The following CFAP47 variants were observed in gnomAD, a reference collection of about 807,000 sequenced individuals.
CFAP47 encodes cilia- and flagella-associated protein 47.
CFAP47 carries 29 observed loss-of-function variants against 148.1 expected under a neutral mutation model. The ratio of observed to expected loss-of-function variants is 0.20; its 90% CI spans 0.15 to 0.27. The LOEUF (loss-of-function observed/expected upper bound fraction) is 0.27. Among genes scored for constraint, CFAP47 ranks in the 10% least tolerant of loss-of-function variants. The pLI, the probability that CFAP47 is intolerant of heterozygous loss-of-function variation, is 1.00. For synonymous variants in CFAP47, 664 were observed against 577.3 expected (o/e 1.15, Z -2.15); for missense variants, 1,872 against 1,697.5 (o/e 1.10, Z -1.81).
chrX:36,345,089 C>A (rs1207747318), intron 57 of CFAP47, among the ~76,000 whole-genome samples: 1 of 111,778 alleles, frequency 8.9e-6, no homozygotes, highest in Non-Finnish European at 1.9e-5. Context: ...TTTACAAGTT[C>A]TTGCAAATAT....
In CFAP47 at chrX:36,353,746, G is replaced by A. The variant is rs113539073; in HGVS notation, c.8851+65G>A. 1.4e-3 allele frequency: 1,224 copies of A among 869,273 alleles called. 14 individuals are homozygous for A. The African/African-American group carries it at 0.022, about 15-fold the overall frequency. 71.6% of individuals were successfully genotyped at this position (869,273 alleles called of 1,213,427 possible). On this transcript the variant is annotated intron_variant, in intron 60 of 63. Transcript: ENST00000378653. Reference sequence around the variant, plus strand: ...AGAAACTTAGTTTCCATGAATTGCAGGTTGCTGATTGTGCAGTTACATTAA... The same window carrying A: ...AGAAACTTAGTTTCCATGAATTGCAAGTTGCTGATTGTGCAGTTACATTAA...
chrX:36,198,668 T>C (rs1289525654), intron 42 of CFAP47, among the ~76,000 whole-genome samples: 2 of 111,963 alleles, frequency 1.8e-5, no homozygotes, highest in African/African-American at 3.2e-5. Flanking sequence ...TATTTCATGT[T>C]GATACCTTCC....
At chrX:35,980,277 G>GA (rs1396743991) in intron 15 of CFAP47, among the ~76,000 whole-genome samples, 1 of 111,757 alleles carries the variant, frequency 8.9e-6, no homozygotes, top group Non-Finnish European at 1.9e-5. Flanking sequence ...TATTCCTGAA[G>GA]AAAAAATATA....
chrX:36,106,451 A>G (rs1938467675), intron 33 of CFAP47, among the ~76,000 whole-genome samples: 1 of 111,811 alleles, frequency 8.9e-6, no homozygotes, highest in South Asian at 3.7e-4. Flanking sequence ...TTTATCTTTC[A>G]CAGATCTAAA....
intron 15 of CFAP47, among the ~76,000 whole-genome samples, chrX:35,981,337 CAAAT>C (rs1189391221): frequency 1.9e-5 from 2 of 104,522 alleles, no homozygotes; most frequent in Admixed American, 1.1e-4. Context: ...AAACAAGTAT[CAAAT>C]AAAAAGGCAA....
chrX:36,197,063 A>G (rs2146879858), intron 42 of CFAP47, among the ~76,000 whole-genome samples: 1 of 112,026 alleles, frequency 8.9e-6, no homozygotes, highest in South Asian at 3.6e-4. Context: ...CACAGGCAAG[A>G]TAAGCATTAT....
chrX:36,330,798 G>A (rs1284941844), intron 57 of CFAP47, among the ~76,000 whole-genome samples: 1 of 111,549 alleles, frequency 9.0e-6, no homozygotes, highest in African/African-American at 3.3e-5. Context: ...TAAATTGTCT[G>A]TGCCACCATC....
chrX:36,320,644 A>T (rs992822048), intron 57 of CFAP47, among the ~76,000 whole-genome samples: 1 of 112,450 alleles, frequency 8.9e-6, no homozygotes. Context: ...CAAAAGATAA[A>T]GTACAAATGG....
chrX:36,345,207 A>T (rs1941687136), intron 57 of CFAP47, among the ~76,000 whole-genome samples: 1 of 111,698 alleles, frequency 9.0e-6, no homozygotes, highest in Admixed American at 9.5e-5. Flanking sequence ...ATTCATGAAA[A>T]TATAGAATTC....
At chrX:36,090,800 A>T (rs895711209) in intron 30 of CFAP47, among the ~76,000 whole-genome samples, 1 of 102,884 alleles carries the variant, frequency 9.7e-6, no homozygotes, top group African/African-American at 4.1e-5. Flanking sequence ...AAGAACTTTT[A>T]TACACGTGAA....
At chrX:36,112,161 C>T (rs1938565985) in intron 33 of CFAP47, among the ~76,000 whole-genome samples, 1 of 111,415 alleles carries the variant, frequency 9.0e-6, no homozygotes, top group African/African-American at 3.3e-5. Flanking sequence ...GGTTTGTTTG[C>T]TCTTGACTCT....
chrX:36,187,707 C>T (rs949426938), intron 40 of CFAP47, among the ~76,000 whole-genome samples: 2 of 110,946 alleles, frequency 1.8e-5, no homozygotes, highest in African/African-American at 6.6e-5. Context: ...ATAGTGCTAA[C>T]CAGAATACCT....
At chrX:36,335,073 T>C (rs1402636894) in intron 57 of CFAP47, among the ~76,000 whole-genome samples, 14 of 111,165 alleles carry the variant, frequency 1.3e-4, no homozygotes, top group African/African-American at 4.6e-4. Flanking sequence ...GCTTAAAAAT[T>C]CAATGGCCTA....
intron 45 of CFAP47, chrX:36,211,411 C>T (rs781919641): frequency 8.4e-5 from 20 of 237,573 alleles, no homozygotes; most frequent in Non-Finnish European, 1.5e-4. Flanking sequence ...ATGCCTCCTT[C>T]GGCCTTTTTT....
chrX:36,307,559 C>T (rs782539560), intron 55 of CFAP47, among the ~76,000 whole-genome samples: 1 of 111,151 alleles, frequency 9.0e-6, no homozygotes, highest in Non-Finnish European at 1.9e-5. Flanking sequence ...TGTTAACTCT[C>T]TTACTACCAA....
chrX:36,292,410 A>G (rs1176091490), intron 51 of CFAP47, among the ~76,000 whole-genome samples: 3 of 112,006 alleles, frequency 2.7e-5, no homozygotes, highest in African/African-American at 9.7e-5. Flanking sequence ...TTGTTTGTTT[A>G]CTGACTTGAT....
chrX:36,100,890 G>T (rs754891088), intron 32 of CFAP47, among the ~76,000 whole-genome samples: 1 of 111,373 alleles, frequency 9.0e-6, no homozygotes, highest in Admixed American at 9.5e-5. Flanking sequence ...GATGCAGGTA[G>T]TGCTTATTTC....
chrX:36,017,099 A>G (rs914467232), intron 22 of CFAP47, among the ~76,000 whole-genome samples: 2 of 111,410 alleles, frequency 1.8e-5, no homozygotes, highest in Admixed American at 9.6e-5. Context: ...CTCAAAAAAT[A>G]CAAATAAAGC....
At chrX:36,218,997 A>G in intron 45 of CFAP47, among the ~76,000 whole-genome samples, 1 of 111,671 alleles carries the variant, frequency 9.0e-6, no homozygotes, top group East Asian at 2.9e-4. Context: ...CTTGTTATGT[A>G]GATGAAGCCT....
Sources: allele counts gnomAD v4.1 joint callset (sites outside exome capture counted in the v4.1 genomes callset), GRCh38; gene constraint gnomAD v4.1.1; transcripts MANE v1.5; gene names NCBI Gene and HGNC (gene_info 2026-07-23, HGNC 2026-07-21).